NT5C3A: variants seen among roughly 807,000 people sequenced by gnomAD.
NT5C3A encodes cytosolic 5'-nucleotidase 3A.
In NT5C3A, 23 loss-of-function variants were observed where a neutral mutation model predicts 40.0. The observed-to-expected ratio is 0.58, with a 90% confidence interval of 0.41 to 0.81. NT5C3A has a LOEUF of 0.81. Among genes scored for constraint, NT5C3A ranks in the 40% least tolerant of loss-of-function variants. NT5C3A has a pLI of 0.00. For synonymous variants in NT5C3A, 130 were observed against 141.4 expected (o/e 0.92, Z 0.57); for missense variants, 328 against 403.0 (o/e 0.81, Z 1.59).
intron 1 of NT5C3A, among the ~76,000 whole-genome samples, chr7:33,034,013 C>G (rs1011327168): frequency 2.0e-5 from 3 of 151,308 alleles, no homozygotes; most frequent in Non-Finnish European, 4.4e-5. Context: ...GCCTCAGCCT[C>G]CCGAGTAGCT....
At chr7:33,015,550 C>A in intron 8 of NT5C3A, 120 bp downstream of exon 8, 1 of 665,456 alleles carries the variant, frequency 1.5e-6, no homozygotes. Context: ...GTAACAGAGG[C>A]TTGTCTCAAA....
chr7:33,026,221 A>C (rs974834588), intron 2 of NT5C3A, among the ~76,000 whole-genome samples: 1 of 151,796 alleles, frequency 6.6e-6, no homozygotes, highest in Non-Finnish European at 1.5e-5. Context: ...GGTGGCTGGC[A>C]CCTGTAATCC....
intron 1 of NT5C3A, among the ~76,000 whole-genome samples, chr7:33,042,843 T>A (rs1401733141): frequency 6.6e-6 from 1 of 152,210 alleles, no homozygotes; most frequent in Non-Finnish European, 1.5e-5. Flanking sequence ...TTTATAATTC[T>A]GGGAAACTTG....
chr7:33,017,196 AAAAAG>A, intron 7 of NT5C3A: 24 of 492,150 alleles, frequency 4.9e-5, no homozygotes, highest in East Asian at 2.7e-4. Flanking sequence ...AAAAAAAAAA[AAAAAG>A]AAGAAGTTTT....
intron 1 of NT5C3A, among the ~76,000 whole-genome samples, chr7:33,040,612 T>G (rs1786866576): frequency 6.6e-6 from 1 of 152,186 alleles, no homozygotes; most frequent in Non-Finnish European, 1.5e-5. Context: ...CTTTGCTTTT[T>G]CTCAACATCT....
intron 1 of NT5C3A, among the ~76,000 whole-genome samples, chr7:33,061,861 A>G (rs954749670): frequency 6.6e-6 from 1 of 152,184 alleles, no homozygotes. Flanking sequence ...CTCATTTTTG[A>G]AACAATTACT....
chr7:33,020,536 G>C (rs915655397), intron 5 of NT5C3A, among the ~76,000 whole-genome samples: 3 of 152,150 alleles, frequency 2.0e-5, no homozygotes, highest in African/African-American at 7.2e-5. Context: ...CCAGTTTGTA[G>C]AGTTAAGTCT....
chr7:33,041,320 G>A (rs1290553540), intron 1 of NT5C3A, among the ~76,000 whole-genome samples: 1 of 152,204 alleles, frequency 6.6e-6, no homozygotes, highest in Non-Finnish European at 1.5e-5. Context: ...GGAGGAGGAG[G>A]ATGGGGAATT....
chr7:33,055,077 C>A (rs908434700), intron 1 of NT5C3A, among the ~76,000 whole-genome samples: 10 of 152,190 alleles, frequency 6.6e-5, no homozygotes, highest in African/African-American at 2.4e-4. Flanking sequence ...GTAATCCCAG[C>A]ATTTTGGGAG....
rs184849522 is a variant in NT5C3A at position 33,034,394 on chromosome 7, T to C, written c.139-7479A>G. ...CAACATTATACAAAGAGGATTAACATTGTTTATATGTCAGGGAATTCCTAT... is the reference window on the plus strand; with the variant it reads ...CAACATTATACAAAGAGGATTAACACTGTTTATATGTCAGGGAATTCCTAT... On this transcript the variant is annotated intron_variant, in intron 1 of 8. Coordinates refer to ENST00000610140, the MANE Select transcript of NT5C3A (RefSeq NM_001002010.5). 2.0e-3 allele frequency among the ~76,000 whole-genome samples: 307 copies of C among 152,202 alleles called. 2 individuals are homozygous for C. Among genetic ancestry groups the C allele is most frequent in the Middle Eastern group, 6.8e-3 (2 of 292 alleles).
At position 33,060,157 on chromosome 7, in the gene NT5C3A, C is replaced by T. The variant is rs887829063; in HGVS notation, c.138+2411G>A. Among the ~76,000 whole-genome samples, 10 of 152,088 alleles carry T rather than the reference C, an allele frequency of 6.6e-5. No homozygotes were observed. In the East Asian group the frequency reaches 1.2e-3, roughly 18 times the overall value. On this transcript the variant is annotated intron_variant, in intron 1 of 8. Transcript: ENST00000610140. Reference sequence around the variant, plus strand: ...CTGTAGAGAAAGGGTCTCCCTATGCCGCCCAGGCTGGTCTCGAACTCCTGG... The same window carrying T: ...CTGTAGAGAAAGGGTCTCCCTATGCTGCCCAGGCTGGTCTCGAACTCCTGG...
intron 1 of NT5C3A, among the ~76,000 whole-genome samples, chr7:33,027,444 T>C (rs1036479432): frequency 2.6e-5 from 4 of 152,230 alleles, no homozygotes; most frequent in African/African-American, 9.6e-5. Flanking sequence ...AAGATAAAAC[T>C]ACATTTGTGA....
At chr7:33,037,894 T>C (rs1395312401) in intron 1 of NT5C3A, among the ~76,000 whole-genome samples, 1 of 152,052 alleles carries the variant, frequency 6.6e-6, no homozygotes, top group Non-Finnish European at 1.5e-5. Context: ...ATAATGGTAG[T>C]TTGGGGATTA....
chr7:33,062,079 T>C (rs1457690323), intron 1 of NT5C3A, among the ~76,000 whole-genome samples: 4 of 152,152 alleles, frequency 2.6e-5, no homozygotes, highest in Non-Finnish European at 5.9e-5. Flanking sequence ...ATATTGCACA[T>C]TTTCATAATC....
intron 1 of NT5C3A, among the ~76,000 whole-genome samples, chr7:33,059,419 T>C (rs984813968): frequency 1.3e-5 from 2 of 152,364 alleles, no homozygotes; most frequent in African/African-American, 2.4e-5. Flanking sequence ...TCCTGGCTAC[T>C]TTCCAAACCT....
chr7:33,058,491 C>A (rs1787654982), intron 1 of NT5C3A, among the ~76,000 whole-genome samples: 1 of 151,982 alleles, frequency 6.6e-6, no homozygotes. Context: ...GGATTACAGG[C>A]ACCCGCCACG....
At chr7:33,056,172 A>G (rs1200183949) in intron 1 of NT5C3A, among the ~76,000 whole-genome samples, 4 of 152,128 alleles carry the variant, frequency 2.6e-5, no homozygotes, top group East Asian at 3.9e-4. Flanking sequence ...AAATAATAAT[A>G]AACAATATGA....
At chr7:33,034,349 G>A (rs1339236986) in intron 1 of NT5C3A, among the ~76,000 whole-genome samples, 1 of 152,068 alleles carries the variant, frequency 6.6e-6, no homozygotes, top group Middle Eastern at 3.2e-3. Flanking sequence ...ACCTTCTAGA[G>A]GGCTCTAGGA....
chr7:33,036,057 AG>A, intron 1 of NT5C3A: 1 of 1,229,768 alleles, frequency 8.1e-7, no homozygotes. Context: ...CATAAATTTC[AG>A]GTTCTTCCTG....
Sources: gnomAD v4.1 joint callset for allele counts (sites outside exome capture counted in the v4.1 genomes callset) on GRCh38, gnomAD v4.1.1 for gene constraint, MANE v1.5 for transcripts, NCBI Gene and HGNC (gene_info 2026-07-23, HGNC 2026-07-21) for gene names.